Variants in KIAA1671 observed in about 807,000 individuals in gnomAD.
KIAA1671 encodes KIAA1671.
Under a neutral mutation model 131.2 loss-of-function variants are expected in KIAA1671, and 52 were observed. The ratio of observed to expected loss-of-function variants is 0.40; its 90% confidence interval spans 0.32 to 0.50. The LOEUF (loss-of-function observed/expected upper bound fraction) is 0.50, where lower values mean the gene tolerates loss of function less well. KIAA1671 is among the 20% of genes least tolerant of loss of function. KIAA1671 has a pLI of 0.73. For synonymous variants in KIAA1671, 1,003 were observed against 961.6 expected (o/e 1.04, Z -0.80); for missense variants, 2,360 against 2,364.2 (o/e 1.00, Z 0.04).
At chr22:24,953,786 G>A (rs1921547707) in intron 1 of KIAA1671, among the ~76,000 whole-genome samples, 1 of 152,218 alleles carries the variant, frequency 6.6e-6, no homozygotes, top group Non-Finnish European at 1.5e-5. Flanking sequence ...CGCCTAGGTG[G>A]CTAGGGCTTC....
chr22:25,128,392 G>C (rs550143139), intron 6 of KIAA1671, among the ~76,000 whole-genome samples: 1 of 152,346 alleles, frequency 6.6e-6, no homozygotes, highest in African/African-American at 2.4e-5. Flanking sequence ...TTCACACCAG[G>C]TGTTGGGTGG....
chr22:25,045,357 G>A (rs1163081617), intron 5 of KIAA1671, among the ~76,000 whole-genome samples: 16 of 152,188 alleles, frequency 1.1e-4, no homozygotes, highest in Non-Finnish European at 2.1e-4. Context: ...ACCCTGGGAA[G>A]AGGTTGCTAT....
chr22:24,998,169 G>A (rs765417959), intron 1 of KIAA1671, among the ~76,000 whole-genome samples: 32 of 152,286 alleles, frequency 2.1e-4, no homozygotes, highest in Non-Finnish European at 4.3e-4. Context: ...GTGGGGCTGA[G>A]GCTGAAGGAT....
intron 6 of KIAA1671, among the ~76,000 whole-genome samples, chr22:25,068,432 G>C (rs182457212): frequency 1.3e-5 from 2 of 151,464 alleles, no homozygotes; most frequent in African/African-American, 4.9e-5. Flanking sequence ...CTTGTTTTTT[G>C]TTTTTTTGTT....
At chr22:24,990,523 C>T (rs965600503) in intron 1 of KIAA1671, among the ~76,000 whole-genome samples, 3 of 152,232 alleles carry the variant, frequency 2.0e-5, no homozygotes, top group African/African-American at 7.2e-5. Flanking sequence ...CATGCTCACA[C>T]ACATGTGCCT....
intron 6 of KIAA1671, among the ~76,000 whole-genome samples, chr22:25,076,352 C>T (rs946741921): frequency 4.6e-5 from 7 of 152,114 alleles, no homozygotes; most frequent in African/African-American, 7.2e-5. Flanking sequence ...ATTCACATTT[C>T]GAGCTGTCTC....
chr22:25,001,899 A>G (rs1924498058), intron 1 of KIAA1671, among the ~76,000 whole-genome samples: 1 of 152,008 alleles, frequency 6.6e-6, no homozygotes, highest in African/African-American at 2.4e-5. Flanking sequence ...TATGTAAATA[A>G]GTATATATTT....
rs1280597524 is a variant in KIAA1671 at position 25,028,523 on chromosome 22, G to A, written c.524G>A (p.Arg175Gln). 9.7e-6 allele frequency: 15 copies of A among 1,549,410 alleles called. No homozygotes were observed. Among genetic ancestry groups the A allele is most frequent in the African/African-American group, 1.4e-5 (1 of 73,050 alleles). Residue 175 changes from arginine (R) to glutamine (Q), a missense_variant, in exon 3 of 13, where the codon CGG becomes CAG. Arg to Gln is a conservative substitution (Grantham distance 43). Transcript: ENST00000358431. ...GCCAAGCTAGGTGTGTCCGGCTCCC[G>A]GCCTGAGGTGGCTGCCAAGCCCGCC... The part of the protein sequence containing the change: ...EEAKLGVSGS[R>Q]PEVAAKPALP...
intron 5 of KIAA1671, among the ~76,000 whole-genome samples, chr22:25,048,023 G>A (rs1927339310): frequency 6.6e-6 from 1 of 152,174 alleles, no homozygotes. Context: ...AGCATGTTTT[G>A]CAGGTAGAGT....
At chr22:24,978,263 C>T (rs1020714658) in intron 1 of KIAA1671, among the ~76,000 whole-genome samples, 4 of 152,134 alleles carry the variant, frequency 2.6e-5, no homozygotes, top group African/African-American at 7.2e-5. Flanking sequence ...TTAAGTCTCA[C>T]GAGATCTGAT....
intron 6 of KIAA1671, among the ~76,000 whole-genome samples, chr22:25,114,266 A>T (rs529792685): frequency 2.0e-4 from 30 of 152,324 alleles, no homozygotes; most frequent in African/African-American, 6.5e-4. Context: ...CTCCTGGCTG[A>T]GGAGCCCTGA....
At chr22:24,985,449 C>G (rs1288976328) in intron 1 of KIAA1671, among the ~76,000 whole-genome samples, 1 of 151,900 alleles carries the variant, frequency 6.6e-6, no homozygotes, top group Non-Finnish European at 1.5e-5. Flanking sequence ...ACGCCATTCT[C>G]CTGCCTCAGC....
In KIAA1671 at chr22:25,028,281, TG is replaced by T; in HGVS notation, c.288del (p.Leu97SerfsTer48). ...RPSSTGPSPS[G>X]GLSEEPAAKD... The stretch of plus-strand genomic sequence containing the variant: ...CCAGTTCGACTGGACCTTCCCCCTC[TG>T]GGGGGCTCTCTGAGGAGCCAGCAGC... On this transcript the variant is annotated frameshift_variant, in exon 3 of 13. Transcript: ENST00000358431. LOFTEE classifies it high-confidence loss of function. 1 of 1,551,364 alleles carries T rather than the reference TG, an allele frequency of 6.4e-7. No homozygotes were observed. The highest frequency in any genetic ancestry group is 8.7e-7 in the Non-Finnish European group (1 of 1,146,996).
At chr22:25,118,186 A>G (rs1006224413) in intron 6 of KIAA1671, among the ~76,000 whole-genome samples, 20 of 149,818 alleles carry the variant, frequency 1.3e-4, no homozygotes, top group Non-Finnish European at 2.4e-4. Context: ...GCCTCCCTCC[A>G]GAGGCTCTAG....
intron 1 of KIAA1671, among the ~76,000 whole-genome samples, chr22:25,004,267 C>T (rs1347841667): frequency 6.6e-6 from 1 of 152,028 alleles, no homozygotes; most frequent in Non-Finnish European, 1.5e-5. Flanking sequence ...AGGTACACAC[C>T]ACCACGCCTG....
chr22:25,119,121 C>T (rs148933238), intron 6 of KIAA1671, among the ~76,000 whole-genome samples: 203 of 152,274 alleles, frequency 1.3e-3, no homozygotes, highest in Admixed American at 2.8e-3. Flanking sequence ...CTTGATATTG[C>T]CAGTACCCAG....
At chr22:25,172,210 G>A (rs766556484) in intron 7 of KIAA1671, among the ~76,000 whole-genome samples, 1 of 152,116 alleles carries the variant, frequency 6.6e-6, no homozygotes, top group South Asian at 2.1e-4. Context: ...CTAGGAGCCC[G>A]TTCCTCTCTC....
chr22:25,031,003 G>C (rs988237565), intron 3 of KIAA1671, among the ~76,000 whole-genome samples: 17 of 152,104 alleles, frequency 1.1e-4, no homozygotes, highest in Admixed American at 1.1e-3. Context: ...GGTCTGGGGA[G>C]GGTGTTCTAT....
chr22:25,186,031 G>A, intron 11 of KIAA1671: 1 of 152,248 alleles, frequency 6.6e-6, no homozygotes, highest in East Asian at 1.9e-4. Flanking sequence ...ATGGCCCACA[G>A]GCTAAATCCA....
Sources: gnomAD v4.1 joint callset for allele counts (sites outside exome capture counted in the v4.1 genomes callset) on GRCh38, gnomAD v4.1.1 for gene constraint, MANE v1.5 for transcripts, NCBI Gene and HGNC (gene_info 2026-07-23, HGNC 2026-07-21) for gene names.